TSHZ1: variants seen among roughly 807,000 people sequenced by gnomAD.
The protein encoded by TSHZ1 is teashirt zinc finger homeobox 1, also known as teashirt homolog 1.
Under a neutral mutation model 67.1 loss-of-function variants are expected in TSHZ1, and 12 were observed. That is an observed-to-expected ratio of 0.18 (90% confidence interval 0.11 to 0.29). TSHZ1 has a LOEUF of 0.29. Ranked by LOEUF, TSHZ1 falls within the 10% of genes least tolerant of loss-of-function variation. TSHZ1 has a pLI of 1.00. For missense variants in TSHZ1, 1,305 were observed against 1,413.9 expected (o/e 0.92, Z 1.23); for synonymous variants, 632 against 622.4 (o/e 1.02, Z -0.23).
chr18:75,269,542 C>T (rs1287803984), intron 1 of TSHZ1, among the ~76,000 whole-genome samples: 1 of 152,118 alleles, frequency 6.6e-6, no homozygotes, highest in Non-Finnish European at 1.5e-5. Flanking sequence ...GGGCAGCTGT[C>T]GGGTGGAGCA....
intron 1 of TSHZ1, among the ~76,000 whole-genome samples, chr18:75,236,075 GTGATAGGAAGCGTGCA>G (rs1450471744): frequency 6.6e-6 from 1 of 152,166 alleles, no homozygotes; most frequent in East Asian, 1.9e-4. Context: ...GGAAGCTTGC[GTGATAGGAAGCGTGCA>G]TGATAGGAAG....
At chr18:75,275,004 G>A (rs546470267) in intron 1 of TSHZ1, among the ~76,000 whole-genome samples, 13 of 152,282 alleles carry the variant, frequency 8.5e-5, no homozygotes, top group African/African-American at 2.6e-4. Context: ...ATTTCTGTCC[G>A]TAGCCACTTT....
intron 1 of TSHZ1, among the ~76,000 whole-genome samples, chr18:75,241,096 T>A (rs930579471): frequency 6.6e-6 from 1 of 152,206 alleles, no homozygotes; most frequent in African/African-American, 2.4e-5. Flanking sequence ...CAATTTTGTT[T>A]TCTATCATCA....
intron 1 of TSHZ1, among the ~76,000 whole-genome samples, chr18:75,278,863 C>A (rs1195064351): frequency 1.3e-5 from 2 of 152,062 alleles, no homozygotes; most frequent in Non-Finnish European, 2.9e-5. Context: ...TGGAATGATG[C>A]GAGGAAGAGG....
chr18:75,247,309 G>A (rs1288275239), intron 1 of TSHZ1, among the ~76,000 whole-genome samples: 1 of 152,172 alleles, frequency 6.6e-6, no homozygotes, highest in Non-Finnish European at 1.5e-5. Flanking sequence ...TACCCCAGAG[G>A]GCCACACTGC....
Position 75,232,124 on chromosome 18 carries a change from G to GCTGGTCTCGAACTC in TSHZ1, c.40+20212_40+20225dup, listed in dbSNP as rs560901365. On this transcript the variant is annotated intron_variant, in intron 1 of 1. Coordinates refer to ENST00000580243, the MANE Select transcript of TSHZ1 (RefSeq NM_001308210.2). ...GACAGGGTTTCTCCATGTTTGTCAG[G>GCTGGTCTCGAACTC]CTGGTCTCGAACTCCTGACCTTGGG... is the stretch of plus-strand genomic sequence containing the variant. Among the ~76,000 whole-genome samples the GCTGGTCTCGAACTC allele has an allele frequency of 9.5e-3, 1,447 of 152,116 alleles. 6 individuals carry two copies. Among genetic ancestry groups the GCTGGTCTCGAACTC allele is most frequent in the Non-Finnish European group, 0.014 (931 of 67,992 alleles).
intron 1 of TSHZ1, among the ~76,000 whole-genome samples, chr18:75,234,038 A>G (rs1052162391): frequency 6.6e-6 from 1 of 152,092 alleles, no homozygotes; most frequent in African/African-American, 2.4e-5. Context: ...TTTGTTCTTT[A>G]TATTCCATTT....
chr18:75,272,826 T>A (rs2023573885), intron 1 of TSHZ1, among the ~76,000 whole-genome samples: 1 of 152,242 alleles, frequency 6.6e-6, no homozygotes, highest in Non-Finnish European at 1.5e-5. Flanking sequence ...TATTTCTACC[T>A]TTCTCCTATG....
At chr18:75,221,869 G>A (rs1386168330) in intron 1 of TSHZ1, among the ~76,000 whole-genome samples, 2 of 152,138 alleles carry the variant, frequency 1.3e-5, no homozygotes, top group East Asian at 1.9e-4. Flanking sequence ...TTACTGTGCT[G>A]TGCACAAATC....
rs150917758 is a variant in TSHZ1 at position 75,247,168 on chromosome 18, G to A, written c.40+35252G>A. ...AGGCTGTAGTTTCTTTTCAGTTGCC[G>A]CATCGACCCACCACCGACCGTACAC... On this transcript the variant is annotated intron_variant, in intron 1 of 1. Coordinates refer to ENST00000580243, the MANE Select transcript of TSHZ1 (RefSeq NM_001308210.2). Among the ~76,000 whole-genome samples, 3 of 152,210 alleles carry A rather than the reference G, an allele frequency of 2.0e-5. No individual in the cohort carries two copies. The South Asian group carries it at 6.2e-4, about 32-fold the overall frequency.
intron 1 of TSHZ1, among the ~76,000 whole-genome samples, chr18:75,217,434 G>T (rs564846304): frequency 1.3e-5 from 2 of 151,686 alleles, no homozygotes; most frequent in East Asian, 3.9e-4. Flanking sequence ...TGGAGCACTT[G>T]TCATAGTAGT....
Position 75,211,854 on chromosome 18 carries a change from G to C in TSHZ1, c.-23G>C, listed in dbSNP as rs1052978935. The C allele has an allele frequency of 1.5e-5, 18 of 1,165,412 alleles. No individual in the cohort carries two copies. In the African/African-American group the frequency reaches 2.6e-4, roughly 17 times the overall value. The allele number at this position is 1,165,412 out of a possible 1,614,324, so 72.2% of individuals were successfully genotyped here. A position where few individuals can be genotyped will look rare whatever the true frequency, so the allele number is the denominator to read the frequency against. On this transcript the variant is annotated 5_prime_UTR_variant, in exon 1 of 2. Coordinates refer to ENST00000580243, the MANE Select transcript of TSHZ1 (RefSeq NM_001308210.2). ...CGCGAACTCCGGCGGCGGCTGAGGC[G>C]ACGGCTGCGGCGGCCGAGCAGCATG...
At chr18:75,253,289 T>C (rs2023325677) in intron 1 of TSHZ1, among the ~76,000 whole-genome samples, 1 of 152,254 alleles carries the variant, frequency 6.6e-6, no homozygotes, top group Non-Finnish European at 1.5e-5. Context: ...ATGTGGTAGC[T>C]AGATTTCAGT....
At chr18:75,256,137 A>G (rs1039020632) in intron 1 of TSHZ1, among the ~76,000 whole-genome samples, 19 of 152,364 alleles carry the variant, frequency 1.2e-4, no homozygotes, top group African/African-American at 3.8e-4. Flanking sequence ...TCTATTATCA[A>G]TGTAACTATG....
Position 75,288,678 on chromosome 18 carries a change from A to C in TSHZ1, c.*37A>C, listed in dbSNP as rs759386432. On this transcript the variant is annotated 3_prime_UTR_variant, in exon 2 of 2. Transcript: ENST00000580243. This position sits in a 1 kb window ranked among gnomAD's most constrained non-coding sequence, Gnocchi z 4.9. The stretch of plus-strand genomic sequence containing the variant: ...GCAAGAGACCGCGGAACATTGCACT[A>C]AACGTCGTCGAGCTGCACTAGGCCT... The C allele has an allele frequency of 1.0e-5, 16 of 1,534,666 alleles. No individual in the cohort carries two copies. Among genetic ancestry groups the C allele is most frequent in the Non-Finnish European group, 1.3e-5 (15 of 1,142,412 alleles).
chr18:75,285,986 C>T lies in TSHZ1; in HGVS notation c.579C>T (p.Ser193=). Residue 193 remains serine (S), a synonymous_variant, in exon 2 of 2, where the codon AGC becomes AGT. Transcript: ENST00000580243. ...TSHSSTTSTS[S]SSGYDWHQAA... The stretch of plus-strand genomic sequence containing the variant: ...ACAGCAGTACCACCAGTACCAGCAG[C>T]AGCTCCGGGTACGACTGGCACCAGG... The T allele has an allele frequency of 6.2e-7, 1 of 1,600,544 alleles. No homozygotes were observed. The highest frequency in any genetic ancestry group is 8.5e-7 in the Non-Finnish European group (1 of 1,174,268).
chr18:75,257,022 A>C (rs939327740), intron 1 of TSHZ1, among the ~76,000 whole-genome samples: 2 of 152,226 alleles, frequency 1.3e-5, no homozygotes, highest in African/African-American at 4.8e-5. Context: ...TTTATCAAAA[A>C]AGAGTGGTGA....
intron 1 of TSHZ1, among the ~76,000 whole-genome samples, chr18:75,230,474 C>T (rs1303034983): frequency 6.6e-6 from 1 of 152,170 alleles, no homozygotes; most frequent in Non-Finnish European, 1.5e-5. Flanking sequence ...TTTATCACGG[C>T]ACATTATGGA....
rs1220972618 is a variant in TSHZ1 at position 75,287,118 on chromosome 18, C to T, written c.1711C>T (p.Pro571Ser). The T allele has an allele frequency of 3.7e-6, 6 of 1,614,160 alleles. No homozygotes were observed. In the East Asian group the frequency reaches 1.3e-4, roughly 36 times the overall value. The change falls in exon 2 of 2, where the codon CCC (proline) becomes TCC (serine). Residue 571 changes from proline (P) to serine (S), a missense_variant. Around this residue, in one of 3 missense-constraint regions of TSHZ1, gnomAD observed 909 missense variants for 961.8 expected, o/e 0.95. Coordinates refer to ENST00000580243, the MANE Select transcript of TSHZ1 (RefSeq NM_001308210.2). This position sits in a 1 kb window ranked among gnomAD's most constrained non-coding sequence, Gnocchi z 5.0. ...CATTAGCAAAGCTCAGAATGGTGCG[C>T]CCTCATGGGGTGGCTACCCCAGCAT... ...TAISKAQNGA[P>S]SWGGYPSIHA...
Sources: gnomAD v4.1 joint callset for allele counts (sites outside exome capture counted in the v4.1 genomes callset) on GRCh38, gnomAD v4.1.1 for gene constraint, gnomAD v4.1.1 regional missense constraint, Gnocchi (gnomAD v3.1) non-coding constraint, MANE v1.5 for transcripts, NCBI Gene and HGNC (gene_info 2026-07-23, HGNC 2026-07-21) for gene names.